The following PARP11 variants were observed in gnomAD, a reference collection of about 807,000 sequenced individuals.
PARP11 encodes protein mono-ADP-ribosyltransferase PARP11.
PARP11 carries 31 observed loss-of-function variants against 42.9 expected under a neutral mutation model. The observed-to-expected ratio is 0.72, with a 90% CI of 0.54 to 0.98. The LOEUF (loss-of-function observed/expected upper bound fraction) is 0.98, where lower values mean the gene tolerates loss of function less well. Ranked by LOEUF, PARP11 falls within the 50% of genes least tolerant of loss-of-function variation. The pLI is 0.00. For missense variants in PARP11, 365 were observed against 413.1 expected (o/e 0.88, Z 1.01); for synonymous variants, 137 against 127.3 (o/e 1.08, Z -0.51).
At chr12:3,853,144 T>C (rs1055462119) in intron 1 of PARP11, among the ~76,000 whole-genome samples, 1 of 152,050 alleles carries the variant, frequency 6.6e-6, no homozygotes, top group Admixed American at 6.5e-5. Flanking sequence ...GCACTAAACA[T>C]GGAAAGGAAC....
At position 3,829,008 on chromosome 12, in the gene PARP11, G is replaced by C. The variant is rs999690812; in HGVS notation, c.170C>G (p.Ser57Ter). The C allele has an allele frequency of 1.4e-5, 22 of 1,613,868 alleles. No homozygotes were observed. The highest frequency in any genetic ancestry group is 1.9e-5 in the Non-Finnish European group (22 of 1,179,910). Residue 57 changes from serine to a stop codon, truncating the protein, a stop_gained, in exon 3 of 8, where the codon TCA (serine) becomes TGA (stop). Coordinates refer to ENST00000228820, the MANE Select transcript of PARP11 (RefSeq NM_020367.6). LOFTEE classifies it high-confidence loss of function. ...MFQPDTNSQC[S>*]VSSEDIEKSF... ...TTTTTCGATATCTTCACTGCTAACT[G>C]AACACTGACTGTTGGTATCCGGCTT... is the stretch of plus-strand genomic sequence containing the variant.
chr12:3,862,513 T>C (rs576853790), intron 1 of PARP11, among the ~76,000 whole-genome samples: 6 of 151,670 alleles, frequency 4.0e-5, no homozygotes, highest in South Asian at 4.2e-4. Flanking sequence ...TAGTCTTAGA[T>C]TCTGCATTTA....
intron 3 of PARP11, 132 bp downstream of exon 3, chr12:3,828,778 G>T: frequency 1.4e-6 from 1 of 704,098 alleles, no homozygotes; most frequent in East Asian, 2.8e-5. Flanking sequence ...TTTTATAGAG[G>T]TATTTTTGTA....
rs1458939968 is a variant in PARP11 at position 3,859,067 on chromosome 12, G to A, written c.18+14145C>T. On this transcript the variant is annotated intron_variant, in intron 1 of 7. Coordinates refer to ENST00000228820, the MANE Select transcript of PARP11 (RefSeq NM_020367.6). ...GAGCCGAGATCATGTCATTGCACTC[G>A]AGCCTGGGCGACAGAGCAAGACTCC... Among the ~76,000 whole-genome samples the A allele has an allele frequency of 3.4e-5, 5 of 148,352 alleles. No homozygotes were observed. In the South Asian group the frequency reaches 8.5e-4, roughly 25 times the overall value.
In PARP11 at chr12:3,832,123, C is replaced by T. The variant is rs115202040; in HGVS notation, c.19-2105G>A. Reference sequence around the variant, plus strand: ...CTATAAAACACCTTACCTAAGACTTCGCTTTAGGCCAGGTTATAAATGAAA... The same window carrying T: ...CTATAAAACACCTTACCTAAGACTTTGCTTTAGGCCAGGTTATAAATGAAA... On this transcript the variant is annotated intron_variant, in intron 1 of 7. Coordinates refer to ENST00000228820, the MANE Select transcript of PARP11 (RefSeq NM_020367.6). 4,250 of 980,326 alleles carry T rather than the reference C, an allele frequency of 4.3e-3. 140 individuals carry two copies. The African/African-American group carries it at 0.068, about 16-fold the overall frequency. The allele number at this position is 980,326 out of a possible 1,614,324, so 60.7% of individuals were successfully genotyped here.
At chr12:3,872,943 C>A (rs139859426) in intron 1 of PARP11, 93 of 230,924 alleles carry the variant, frequency 4.0e-4, no homozygotes, top group African/African-American at 1.5e-3. Context: ...ACAACAACAA[C>A]AAATGGTGAA....
intron 1 of PARP11, among the ~76,000 whole-genome samples, chr12:3,850,753 A>T (rs1353643529): frequency 1.3e-5 from 2 of 151,846 alleles, no homozygotes; most frequent in South Asian, 4.2e-4. Flanking sequence ...GAAAGCATTT[A>T]TATTTATCTA....
chr12:3,845,683 T>C (rs1947981872), intron 1 of PARP11, among the ~76,000 whole-genome samples: 1 of 152,242 alleles, frequency 6.6e-6, no homozygotes, highest in Admixed American at 6.5e-5. Flanking sequence ...CTTCCTACTT[T>C]ATGTCTAAAT....
rs1175504802 is a variant in PARP11 at position 3,812,138 on chromosome 12, C to G, written c.1002G>C (p.Leu334Phe). ...GGAAGTGAAATCAATGAAAGTCTATCAAGTACTCAGGATAGATTTGGTTGG... is the reference window on the plus strand; with the variant it reads ...GGAAGTGAAATCAATGAAAGTCTATGAAGTACTCAGGATAGATTTGGTTGG... ...FDANQIYPEYLIDFH is the reference protein window; with the variant it reads ...FDANQIYPEYFIDFH Residue 334 changes from leucine to phenylalanine, a missense_variant, in exon 8 of 8, where the codon TTG becomes TTC. Transcript: ENST00000228820. 1 of 1,608,532 alleles carries G rather than the reference C, an allele frequency of 6.2e-7. No individual in the cohort carries two copies. Among genetic ancestry groups the G allele is most frequent in the Non-Finnish European group, 8.5e-7 (1 of 1,177,440 alleles).
chr12:3,827,951 G>T (rs1189377729), intron 3 of PARP11, among the ~76,000 whole-genome samples: 2 of 152,166 alleles, frequency 1.3e-5, no homozygotes, highest in African/African-American at 4.8e-5. Context: ...TTGCCTCTAA[G>T]CAATAAATAG....
intron 1 of PARP11, among the ~76,000 whole-genome samples, chr12:3,843,275 A>G (rs4765756): frequency 0.15 from 22,282 of 152,218 alleles, 1,977 homozygotes; most frequent in Admixed American, 0.24. Flanking sequence ...ACTGGTGTAA[A>G]TATCATGGTG....
intron 1 of PARP11, chr12:3,841,931 T>C (rs1947896613): frequency 1.9e-6 from 3 of 1,604,370 alleles, no homozygotes; most frequent in Non-Finnish European, 2.6e-6. Flanking sequence ...AGTGAACATG[T>C]ACATTCTCTC....
intron 3 of PARP11, among the ~76,000 whole-genome samples, chr12:3,828,239 T>C (rs1947567577): frequency 6.6e-6 from 1 of 152,202 alleles, no homozygotes; most frequent in Non-Finnish European, 1.5e-5. Context: ...ACTTAACATC[T>C]GTTTGATCCT....
chr12:3,858,570 G>A (rs566735074), intron 1 of PARP11, among the ~76,000 whole-genome samples: 2 of 152,280 alleles, frequency 1.3e-5, no homozygotes, highest in Middle Eastern at 3.4e-3. Flanking sequence ...TCCCTCAATC[G>A]CTTCTGATGT....
Position 3,826,216 on chromosome 12 carries a change from G to C in PARP11, c.286C>G (p.Leu96Val). 6.3e-7 allele frequency: 1 copy of C among 1,595,510 alleles called. No homozygotes were observed. The highest frequency in any genetic ancestry group is 1.4e-5 in the African/African-American group (1 of 73,598). ...ATTAAGCGCTGCTTTCCAGTGGTGAGATTCATTTGCTTCATTTCTGTATAC... is the reference window on the plus strand; with the variant it reads ...ATTAAGCGCTGCTTTCCAGTGGTGACATTCATTTGCTTCATTTCTGTATAC... Reference protein sequence around the residue: ...IDFAEMKQMNLTTGKQRLIKR... With the variant: ...IDFAEMKQMNVTTGKQRLIKR... The change falls in exon 4 of 8, where the codon CTC becomes GTC. Residue 96 changes from leucine (L) to valine (V), a missense_variant. Transcript: ENST00000228820.
intron 1 of PARP11, among the ~76,000 whole-genome samples, chr12:3,838,139 A>G (rs965017878): frequency 9.3e-5 from 14 of 150,776 alleles, no homozygotes; most frequent in African/African-American, 3.2e-4. Flanking sequence ...ATTTCACTCA[A>G]TTGCTGGAGA....
chr12:3,866,169 C>CCTATGCT (rs1948385461), intron 1 of PARP11, among the ~76,000 whole-genome samples: 1 of 152,110 alleles, frequency 6.6e-6, no homozygotes, highest in East Asian at 1.9e-4. Flanking sequence ...ATTACTAAAT[C>CCTATGCT]CTATGCTCTT....
chr12:3,820,038 C>T (rs1255462934), intron 6 of PARP11, among the ~76,000 whole-genome samples: 1 of 152,222 alleles, frequency 6.6e-6, no homozygotes, highest in African/African-American at 2.4e-5. Flanking sequence ...ACATCCCCTA[C>T]TTTTGTTGGC....
intron 7 of PARP11, among the ~76,000 whole-genome samples, chr12:3,813,466 C>T (rs541615715): frequency 6.6e-6 from 1 of 152,296 alleles, no homozygotes; most frequent in Non-Finnish European, 1.5e-5. Flanking sequence ...TCATTAAGGG[C>T]ATTCTTACTC....
Sources: gnomAD v4.1 joint callset for allele counts (sites outside exome capture counted in the v4.1 genomes callset) on GRCh38, gnomAD v4.1.1 for gene constraint, MANE v1.5 for transcripts, NCBI Gene and HGNC (gene_info 2026-07-23, HGNC 2026-07-21) for gene names.